RAPGEF4: variants seen among roughly 807,000 people sequenced by gnomAD.
The protein encoded by RAPGEF4 is Rap guanine nucleotide exchange factor 4, also known as RAP guanine-nucleotide-exchange factor (GEF) 4.
Under a neutral mutation model 147.9 loss-of-function variants are expected in RAPGEF4, and 66 were observed. That is an observed-to-expected ratio of 0.45 (90% CI 0.37 to 0.55). The LOEUF (loss-of-function observed/expected upper bound fraction) is 0.55. RAPGEF4 is among the 20% of genes least tolerant of loss of function. The pLI, the probability that RAPGEF4 is intolerant of heterozygous loss-of-function variation, is 0.00. For missense variants in RAPGEF4, 1,071 were observed against 1,257.3 expected (o/e 0.85, Z 2.24); for synonymous variants, 419 against 442.7 (o/e 0.95, Z 0.67).
At chr2:172,912,271 TTATG>T (rs1327252926) in intron 4 of RAPGEF4, among the ~76,000 whole-genome samples, 1 of 152,230 alleles carries the variant, frequency 6.6e-6, no homozygotes, top group Non-Finnish European at 1.5e-5. Flanking sequence ...AATAGGTTTC[TTATG>T]TATCAATTTA....
chr2:172,749,927 G>A (rs1231846559), intron 1 of RAPGEF4, among the ~76,000 whole-genome samples: 2 of 152,160 alleles, frequency 1.3e-5, no homozygotes, highest in Non-Finnish European at 2.9e-5. Flanking sequence ...TGGGCAAAAT[G>A]CTGCCAGTTT....
chr2:173,000,918 G>A (rs66487735), intron 16 of RAPGEF4, among the ~76,000 whole-genome samples: 46,373 of 151,800 alleles, frequency 0.31, 7,225 homozygotes, highest in Non-Finnish European at 0.34. Flanking sequence ...ATACGGTATA[G>A]ACAAAGAAAC....
intron 3 of RAPGEF4, among the ~76,000 whole-genome samples, chr2:172,804,964 C>T (rs1334932256): frequency 6.6e-6 from 1 of 152,120 alleles, no homozygotes; most frequent in African/African-American, 2.4e-5. Context: ...CCAGAATGGC[C>T]AGAAGTTGGC....
At chr2:172,779,028 C>T (rs550426568) in intron 1 of RAPGEF4, among the ~76,000 whole-genome samples, 4 of 151,826 alleles carry the variant, frequency 2.6e-5, no homozygotes, top group East Asian at 3.9e-4. Flanking sequence ...TCTGAAGTGC[C>T]GTTAACTTTT....
At chr2:173,026,383 A>G (rs1216822984) in intron 23 of RAPGEF4, among the ~76,000 whole-genome samples, 189 bp from the exon 24 acceptor site, 1 of 152,154 alleles carries the variant, frequency 6.6e-6, no homozygotes, top group African/African-American at 2.4e-5. Flanking sequence ...GGTAATGATG[A>G]TTGGTGACTT....
At chr2:172,864,176 G>A (rs765897276) in intron 4 of RAPGEF4, among the ~76,000 whole-genome samples, 5 of 152,160 alleles carry the variant, frequency 3.3e-5, no homozygotes, top group Non-Finnish European at 5.9e-5. Flanking sequence ...CATGATTTGG[G>A]TTGTTTTCAC....
At chr2:172,875,577 G>A (rs958664231) in intron 4 of RAPGEF4, among the ~76,000 whole-genome samples, 2 of 152,020 alleles carry the variant, frequency 1.3e-5, no homozygotes, top group African/African-American at 2.4e-5. Flanking sequence ...GTATTATTTC[G>A]GAGGGCTCTG....
At chr2:173,035,574 A>G (rs1028409021) in intron 27 of RAPGEF4, among the ~76,000 whole-genome samples, 8 of 151,184 alleles carry the variant, frequency 5.3e-5, no homozygotes, top group Admixed American at 5.3e-4. Flanking sequence ...CTGGTCATGA[A>G]CTCCTAGGCT....
intron 4 of RAPGEF4, among the ~76,000 whole-genome samples, chr2:172,838,038 G>T (rs1363636936): frequency 6.6e-6 from 1 of 152,176 alleles, no homozygotes. Flanking sequence ...GAACAATCAA[G>T]AGATACTTTG....
At chr2:173,026,287 G>C (rs990165505) in intron 23 of RAPGEF4, among the ~76,000 whole-genome samples, 5 of 152,180 alleles carry the variant, frequency 3.3e-5, no homozygotes, top group African/African-American at 4.8e-5. Context: ...TCCCAGGCCT[G>C]AGTGTGAGAG....
chr2:172,796,549 C>T (rs1686389933), intron 2 of RAPGEF4, among the ~76,000 whole-genome samples: 1 of 152,140 alleles, frequency 6.6e-6, no homozygotes, highest in Non-Finnish European at 1.5e-5. Flanking sequence ...TGCGCCATTG[C>T]ACTCTGCGCT....
At chr2:172,847,388 G>A (rs967596839) in intron 4 of RAPGEF4, among the ~76,000 whole-genome samples, 22 of 152,304 alleles carry the variant, frequency 1.4e-4, no homozygotes, top group Admixed American at 2.6e-4. Flanking sequence ...TGCCAGAGAT[G>A]GTGACAGCAT....
rs1553538691 is a variant in RAPGEF4 at position 172,965,109 on chromosome 2, G to A, written c.699-453G>A. ...GTGCTATATAATTTTGCACTTATAC[G>A]GTGCCTTTCATAGCACCTCTGAGTG... On this transcript the variant is annotated intron_variant, in intron 8 of 30. Transcript: ENST00000397081. 6 of 164,894 alleles carry A rather than the reference G, an allele frequency of 3.6e-5. No homozygotes were observed. In the Middle Eastern group the frequency reaches 9.4e-3, roughly 259 times the overall value. 10.2% of individuals were successfully genotyped at this position (164,894 alleles called of 1,614,324 possible). A position where few individuals can be genotyped will look rare whatever the true frequency, so the allele number is the denominator to read the frequency against.
intron 1 of RAPGEF4, among the ~76,000 whole-genome samples, chr2:172,755,078 A>G (rs1695643226): frequency 6.6e-6 from 1 of 152,088 alleles, no homozygotes. Context: ...ACATCACCAT[A>G]AAGACAAAAT....
intron 4 of RAPGEF4, among the ~76,000 whole-genome samples, chr2:172,861,994 C>T (rs1337386342): frequency 2.6e-5 from 4 of 152,134 alleles, no homozygotes; most frequent in East Asian, 1.9e-4. Context: ...GAGTCTTTGT[C>T]GAAGTGTGTT....
At chr2:172,920,926 C>T (rs1023431718) in intron 5 of RAPGEF4, among the ~76,000 whole-genome samples, 6 of 152,064 alleles carry the variant, frequency 3.9e-5, no homozygotes, top group Non-Finnish European at 8.8e-5. Context: ...TTAATACTCT[C>T]TGTTTCAGAG....
chr2:172,964,920 T>A (rs75370618), intron 8 of RAPGEF4, among the ~76,000 whole-genome samples: 1 of 152,290 alleles, frequency 6.6e-6, no homozygotes, highest in Non-Finnish European at 1.5e-5. Flanking sequence ...AATGTGTGAA[T>A]ATACAGGAAG....
chr2:172,919,397 A>G (rs768156528), intron 5 of RAPGEF4, among the ~76,000 whole-genome samples: 5 of 152,096 alleles, frequency 3.3e-5, no homozygotes, highest in African/African-American at 7.2e-5. Context: ...TGACCAACCA[A>G]TAACCAGACC....
chr2:172,752,627 A>G (rs1227425045), intron 1 of RAPGEF4, among the ~76,000 whole-genome samples: 1 of 152,194 alleles, frequency 6.6e-6, no homozygotes, highest in Non-Finnish European at 1.5e-5. Context: ...TAATTTAAAA[A>G]CCTAGATTAG....
Sources: allele counts gnomAD v4.1 joint callset (sites outside exome capture counted in the v4.1 genomes callset), GRCh38; gene constraint gnomAD v4.1.1; transcripts MANE v1.5; gene names NCBI Gene and HGNC (gene_info 2026-07-23, HGNC 2026-07-21).